Variants in COL13A1 observed in about 807,000 individuals in gnomAD.
The protein encoded by COL13A1 is collagen alpha-1(XIII) chain.
COL13A1 carries 89 observed loss-of-function variants against 130.9 expected under a neutral mutation model. That is an observed-to-expected ratio of 0.68 (90% CI 0.57 to 0.81). COL13A1 has a LOEUF of 0.81. Among genes scored for constraint, COL13A1 ranks in the 30% least tolerant of loss-of-function variants. COL13A1 has a pLI of 0.00. For synonymous variants in COL13A1, 402 were observed against 341.6 expected, an observed-to-expected ratio of 1.18 and a Z score of -1.95; for missense variants, 879 against 934.6, an observed-to-expected ratio of 0.94 and a Z score of 0.78.
At chr10:69,877,040 G>C (rs535901978) in intron 5 of COL13A1, among the ~76,000 whole-genome samples, 2 of 152,176 alleles carry the variant, frequency 1.3e-5, no homozygotes, top group Non-Finnish European at 2.9e-5. Context: ...AGCTGCAGGA[G>C]GTCTCCCTAC....
chr10:69,905,714 G>A (rs2062680362), intron 16 of COL13A1, 73 bp from the exon 17 acceptor site: 22 of 1,532,448 alleles, frequency 1.4e-5, no homozygotes, highest in East Asian at 2.3e-5. Context: ...GGATGGTATT[G>A]TGTGGGGAAC....
chr10:69,894,577 C>T lies in COL13A1; in HGVS notation c.629C>T (p.Pro210Leu), dbSNP rs751540644. The T allele has an allele frequency of 4.0e-5, 64 of 1,613,998 alleles. 1 individual carries two copies. The highest frequency in any genetic ancestry group is 3.3e-4 in the Middle Eastern group (2 of 6,058). The change falls in exon 11 of 41, where the codon CCG (proline) becomes CTG (leucine). Residue 210 changes from proline to leucine, a missense_variant and splice_region_variant. Coordinates refer to ENST00000645393, the MANE Select transcript of COL13A1 (RefSeq NM_001368882.1). ...DMGLTGPPGQ[P>L]GPQGQKGEKG... ...GGTCTGACGGGTCCCCCAGGACAGC[C>T]GGTTGGTACCTCATCCATCTATTTC...
chr10:69,898,471 G>A (rs144379445), intron 13 of COL13A1, among the ~76,000 whole-genome samples: 11 of 152,356 alleles, frequency 7.2e-5, no homozygotes, highest in East Asian at 3.9e-4. Flanking sequence ...CCTAAGGGAC[G>A]GCTGTGCCAT....
chr10:69,932,565 G>C lies in COL13A1; in HGVS notation c.1689G>C (p.Glu563Asp), dbSNP rs1294173045. The C allele has an allele frequency of 1.2e-6, 2 of 1,611,962 alleles. No individual in the cohort carries two copies. The highest frequency in any genetic ancestry group is 1.3e-5 in the African/African-American group (1 of 75,012). ...GETGQAGSPGEKGEAGEKGNP... is the reference protein window; with the variant it reads ...GETGQAGSPGDKGEAGEKGNP... ...GTGGTGTTTTGTGCCCACAGGGAGAGAAAGGAGAAGCCGGGGAGAAGGGCA... is the reference window on the plus strand; with the variant it reads ...GTGGTGTTTTGTGCCCACAGGGAGACAAAGGAGAAGCCGGGGAGAAGGGCA... The change falls in exon 31 of 41, where the codon GAG becomes GAC. Residue 563 changes from glutamate (E) to aspartate (D), a missense_variant. Glu to Asp is a conservative substitution (Grantham distance 45). Transcript: ENST00000645393.
chr10:69,833,590 C>T (rs1257131314), intron 2 of COL13A1, among the ~76,000 whole-genome samples: 1 of 152,076 alleles, frequency 6.6e-6, no homozygotes, highest in African/African-American at 2.4e-5. Flanking sequence ...AGTGACTACT[C>T]CTGAAGGGAG....
At chr10:69,935,312 C>T (rs1484524168) in intron 31 of COL13A1, 38 bp from the exon 32 acceptor site, 2 of 1,554,488 alleles carry the variant, frequency 1.3e-6, no homozygotes, top group Non-Finnish European at 1.7e-6. Context: ...GGAGGGAGGG[C>T]CACTTCAAAT....
chr10:69,958,306 G>C (rs916148998), intron 40 of COL13A1, among the ~76,000 whole-genome samples: 2 of 152,188 alleles, frequency 1.3e-5, no homozygotes, highest in African/African-American at 4.8e-5. Context: ...AGACAGAAAT[G>C]GTTGTGCTTA....
rs565400236 is a variant in COL13A1 at position 69,860,209 on chromosome 10, C to T, written c.365-7589C>T. On this transcript the variant is annotated intron_variant, in intron 2 of 40. Transcript: ENST00000645393. ...GCTCCAGGGAAAAGCTGCCACAGCC[C>T]CCAGCCTCAGGACGAAGTGTCAGGG... Among the ~76,000 whole-genome samples, 41 of 152,304 alleles carry T rather than the reference C, an allele frequency of 2.7e-4. 1 individual carries two copies. The South Asian group carries it at 4.4e-3, about 16-fold the overall frequency.
intron 28 of COL13A1, among the ~76,000 whole-genome samples, chr10:69,929,678 C>G (rs2065848196): frequency 6.6e-6 from 1 of 151,768 alleles, no homozygotes; most frequent in African/African-American, 2.4e-5. Context: ...GGCAGGGGTT[C>G]TGCATTCAGG....
intron 30 of COL13A1, among the ~76,000 whole-genome samples, chr10:69,930,770 T>A (rs2066007893): frequency 6.6e-6 from 1 of 152,206 alleles, no homozygotes; most frequent in African/African-American, 2.4e-5. Flanking sequence ...TGCTCTGTCA[T>A]CTGTATCCTT....
At chr10:69,936,594 G>A (rs2066951845) in intron 32 of COL13A1, among the ~76,000 whole-genome samples, 162 bp from the exon 33 acceptor site, 1 of 152,064 alleles carries the variant, frequency 6.6e-6, no homozygotes, top group Non-Finnish European at 1.5e-5. Flanking sequence ...GAAGCCCCAA[G>A]CATGACCCCC....
intron 2 of COL13A1, among the ~76,000 whole-genome samples, chr10:69,855,097 T>G (rs188227617): frequency 2.9e-3 from 448 of 152,360 alleles, no homozygotes; most frequent in Non-Finnish European, 5.1e-3. Flanking sequence ...TGTTTACACC[T>G]GTAAGTTAGA....
chr10:69,875,310 G>C, intron 5 of COL13A1, 147 bp downstream of exon 5: 1 of 935,352 alleles, frequency 1.1e-6, no homozygotes, highest in Non-Finnish European at 1.7e-6. Context: ...GTGTGCTTTA[G>C]GGAGGGAGAA....
At chr10:69,848,616 G>A (rs1853801128) in intron 2 of COL13A1, among the ~76,000 whole-genome samples, 2 of 152,328 alleles carry the variant, frequency 1.3e-5, no homozygotes, top group East Asian at 3.9e-4. Flanking sequence ...ACAGCCAACA[G>A]GTGTGGACCC....
intron 21 of COL13A1, among the ~76,000 whole-genome samples, chr10:69,920,922 A>C (rs1280539076): frequency 6.6e-6 from 1 of 152,160 alleles, no homozygotes; most frequent in Non-Finnish European, 1.5e-5. Flanking sequence ...CTGTGAAATG[A>C]GAATGGGGTT....
Position 69,919,096 on chromosome 10 carries a change from T to C in COL13A1, c.1026+8T>C. Reference sequence around the variant, plus strand: ...GGGATCCCAGGAACCAAGGTACTGATGCAGAGAGAATGTTCCGGGCTGCAC... The same window carrying C: ...GGGATCCCAGGAACCAAGGTACTGACGCAGAGAGAATGTTCCGGGCTGCAC... On this transcript the variant is annotated splice_region_variant and intron_variant, in intron 20 of 40. Coordinates refer to ENST00000645393, the MANE Select transcript of COL13A1 (RefSeq NM_001368882.1). 6.2e-7 allele frequency: 1 copy of C among 1,614,012 alleles called. No homozygotes were observed. The highest frequency in any genetic ancestry group is 8.5e-7 in the Non-Finnish European group (1 of 1,179,860).
At chr10:69,834,685 A>T (rs112800277) in intron 2 of COL13A1, among the ~76,000 whole-genome samples, 5,806 of 152,232 alleles carry the variant, frequency 0.038, 369 homozygotes, top group African/African-American at 0.13. Context: ...TGAACCCAGG[A>T]CTTTCAATGC....
intron 38 of COL13A1, among the ~76,000 whole-genome samples, chr10:69,947,885 C>T (rs933037081): frequency 3.9e-5 from 6 of 152,254 alleles, no homozygotes; most frequent in African/African-American, 1.4e-4. Context: ...CTTGCTGTCC[C>T]TTTGGTTTCT....
chr10:69,927,455 T>C (rs1227779), intron 27 of COL13A1, among the ~76,000 whole-genome samples: 101,743 of 152,036 alleles, frequency 0.67, 34,231 homozygotes, highest in African/African-American at 0.71. Context: ...TTAATGTTTC[T>C]CTTTTTTCCC....
Sources: gnomAD v4.1 joint callset for allele counts (sites outside exome capture counted in the v4.1 genomes callset) on GRCh38, gnomAD v4.1.1 for gene constraint, MANE v1.5 for transcripts, NCBI Gene and HGNC (gene_info 2026-07-23, HGNC 2026-07-21) for gene names.